Variants in NUBPL observed in about 807,000 individuals in gnomAD.
NUBPL encodes NUBP iron-sulfur cluster assembly factor, mitochondrial.
NUBPL carries 31 observed loss-of-function variants against 45.7 expected under a neutral mutation model. That is an observed-to-expected ratio of 0.68 (90% CI 0.51 to 0.92). The LOEUF is 0.92. NUBPL is among the 40% of genes least tolerant of loss of function. The pLI is 0.00. For synonymous variants in NUBPL, 144 were observed against 140.9 expected (o/e 1.02, Z -0.15); for missense variants, 401 against 398.7 (o/e 1.01, Z -0.05).
At chr14:31,722,988 G>A (rs1322948826) in intron 6 of NUBPL, among the ~76,000 whole-genome samples, 1 of 152,040 alleles carries the variant, frequency 6.6e-6, no homozygotes, top group East Asian at 1.9e-4. Context: ...TGCAATTGCT[G>A]TTGGTGTCTT....
intron 7 of NUBPL, among the ~76,000 whole-genome samples, chr14:31,809,934 A>T (rs1012092707): frequency 2.0e-5 from 3 of 152,120 alleles, no homozygotes; most frequent in African/African-American, 4.8e-5. Context: ...GTTTTGAGTG[A>T]GTTTCTTAAT....
chr14:31,803,616 C>T (rs1363527687), intron 7 of NUBPL, among the ~76,000 whole-genome samples: 1 of 152,110 alleles, frequency 6.6e-6, no homozygotes, highest in Non-Finnish European at 1.5e-5. Flanking sequence ...TTTTTTCAAG[C>T]ACACCGTCTT....
chr14:31,612,995 A>C (rs1388760267), intron 4 of NUBPL, among the ~76,000 whole-genome samples: 2 of 152,226 alleles, frequency 1.3e-5, no homozygotes, highest in African/African-American at 4.8e-5. Context: ...CTACACTCCC[A>C]TGTTTGTTGC....
chr14:31,758,289 TAA>T (rs1219811384), intron 6 of NUBPL, among the ~76,000 whole-genome samples: 2 of 152,218 alleles, frequency 1.3e-5, no homozygotes, highest in African/African-American at 4.8e-5. Flanking sequence ...TGTTTAATTA[TAA>T]GACATGATTA....
intron 7 of NUBPL, among the ~76,000 whole-genome samples, chr14:31,793,701 TTATCATAG>T (rs1450725833): frequency 6.6e-6 from 1 of 152,154 alleles, no homozygotes; most frequent in Non-Finnish European, 1.5e-5. Context: ...TTTTTCCTAT[TTATCATAG>T]TATCTTTTAA....
intron 4 of NUBPL, among the ~76,000 whole-genome samples, chr14:31,659,698 A>G (rs1239640791): frequency 1.3e-5 from 2 of 152,216 alleles, no homozygotes; most frequent in African/African-American, 4.8e-5. Flanking sequence ...TCCCTTATGC[A>G]TTCTTTCCCA....
At chr14:31,744,894 A>G (rs12588396) in intron 6 of NUBPL, among the ~76,000 whole-genome samples, 55,774 of 151,780 alleles carry the variant, frequency 0.37, 12,619 homozygotes, top group East Asian at 0.6. Context: ...TGCTGGGATT[A>G]CAGGTGTAAG....
chr14:31,606,537 A>G (rs1375120190), intron 4 of NUBPL, among the ~76,000 whole-genome samples: 1 of 152,178 alleles, frequency 6.6e-6, no homozygotes, highest in African/African-American at 2.4e-5. Flanking sequence ...TCACATTCCT[A>G]TCCAAAGCAT....
intron 4 of NUBPL, among the ~76,000 whole-genome samples, chr14:31,605,949 T>TTCTCCCTCCTCCTCTTCTCCCC (rs2034583362): frequency 6.8e-6 from 1 of 147,172 alleles, no homozygotes; most frequent in Non-Finnish European, 1.5e-5. Flanking sequence ...TTGTCCTCTC[T>TTCTCCCTCCTCCTCTTCTCCCC]TCTCCCTCCT....
intron 8 of NUBPL, among the ~76,000 whole-genome samples, chr14:31,829,434 T>C (rs188121472): frequency 3.7e-4 from 57 of 152,270 alleles, no homozygotes; most frequent in African/African-American, 1.2e-3. Context: ...CTGTGAACAG[T>C]TGGGCAATCA....
intron 3 of NUBPL, among the ~76,000 whole-genome samples, chr14:31,573,963 G>T (rs1348559988): frequency 1.3e-5 from 2 of 152,170 alleles, no homozygotes; most frequent in Non-Finnish European, 2.9e-5. Context: ...GGTAGTGACT[G>T]TGGAGCATGT....
At chr14:31,848,910 T>C (rs1275401116) in intron 9 of NUBPL, among the ~76,000 whole-genome samples, 1 of 152,178 alleles carries the variant, frequency 6.6e-6, no homozygotes, top group Non-Finnish European at 1.5e-5. Flanking sequence ...GTTCATAAAT[T>C]GAGAGGAAAA....
At position 31,561,506 on chromosome 14, in the gene NUBPL, GC is replaced by G; in HGVS notation, c.71del (p.Pro24ArgfsTer22). ...GCTCCGGGCTGGTGGCGGGGCCACT[GC>G]CCCGCTTGGGGGAAGCCGAGCGATG... Reference protein sequence around the residue: ...VSLRAGGGATAPLGGSRAMVC... With the variant: ...VSLRAGGGATXPLGGSRAMVC... On this transcript the variant is annotated frameshift_variant, in exon 1 of 11. Transcript: ENST00000281081. LOFTEE classifies it high-confidence loss of function. 7.2e-7 allele frequency: 1 copy of G among 1,391,700 alleles called. No individual in the cohort carries two copies. Among genetic ancestry groups the G allele is most frequent in the Non-Finnish European group, 9.4e-7 (1 of 1,065,770 alleles). The allele number at this position is 1,391,700 out of a possible 1,614,324, so 86.2% of individuals were successfully genotyped here.
chr14:31,636,336 C>G (rs1366435600), intron 4 of NUBPL, among the ~76,000 whole-genome samples: 2 of 152,022 alleles, frequency 1.3e-5, no homozygotes, highest in Non-Finnish European at 1.5e-5. Flanking sequence ...TTTTCTGCAT[C>G]TATTGAGATA....
intron 10 of NUBPL, 70 bp from the exon 11 acceptor site, chr14:31,859,048 C>A: frequency 7.3e-7 from 1 of 1,378,200 alleles, no homozygotes; most frequent in Non-Finnish European, 1.0e-6. Context: ...GCCTCTATAA[C>A]AAACAGTTGA....
intron 2 of NUBPL, 69 bp from the exon 3 acceptor site, chr14:31,564,945 T>C (rs1268435554): frequency 2.5e-6 from 2 of 813,530 alleles, no homozygotes; most frequent in African/African-American, 1.7e-5. Flanking sequence ...CATGAAAATA[T>C]TAAAAGATAA....
intron 6 of NUBPL, among the ~76,000 whole-genome samples, chr14:31,735,372 G>A (rs1206912579): frequency 1.3e-5 from 2 of 152,084 alleles, no homozygotes; most frequent in African/African-American, 2.4e-5. Context: ...TACCTTATTT[G>A]GTATCACAAG....
intron 4 of NUBPL, among the ~76,000 whole-genome samples, chr14:31,622,689 G>C (rs757700141): frequency 3.3e-5 from 5 of 152,232 alleles, no homozygotes; most frequent in Non-Finnish European, 7.3e-5. Context: ...TCCACATGCT[G>C]TTGGGCCTGC....
chr14:31,667,163 C>T (rs2036452925), intron 4 of NUBPL, among the ~76,000 whole-genome samples: 1 of 152,098 alleles, frequency 6.6e-6, no homozygotes, highest in African/African-American at 2.4e-5. Context: ...CGGTTACATT[C>T]TCCTCATCAC....
Sources: gnomAD v4.1 joint callset for allele counts (sites outside exome capture counted in the v4.1 genomes callset) on GRCh38, gnomAD v4.1.1 for gene constraint, MANE v1.5 for transcripts, NCBI Gene and HGNC (gene_info 2026-07-23, HGNC 2026-07-21) for gene names.